Variants in ETV1 observed in about 807,000 individuals in gnomAD.
The protein encoded by ETV1 is ETS translocation variant 1.
Under a neutral mutation model 62.3 loss-of-function variants are expected in ETV1, and 27 were observed. The ratio of observed to expected loss-of-function variants is 0.43; its 90% CI spans 0.32 to 0.60. The LOEUF (loss-of-function observed/expected upper bound fraction) is 0.60, where lower values mean the gene tolerates loss of function less well. Among genes scored for constraint, ETV1 ranks in the 20% least tolerant of loss-of-function variants. ETV1 has a pLI of 0.06. For synonymous variants in ETV1, 222 were observed against 199.6 expected, an observed-to-expected ratio of 1.11 and a Z score of -0.94; for missense variants, 605 against 605.8, an observed-to-expected ratio of 1.00 and a Z score of 0.01.
chr7:13,981,225 T>G (rs150169869), intron 5 of ETV1, among the ~76,000 whole-genome samples: 1 of 152,100 alleles, frequency 6.6e-6, no homozygotes, highest in Non-Finnish European at 1.5e-5. Context: ...AGGCGGAAGA[T>G]GTATGAGTCA....
intron 5 of ETV1, chr7:13,986,058 A>G: frequency 1.2e-3 from 1,277 of 1,106,160 alleles, no homozygotes; most frequent in Non-Finnish European, 1.6e-3. Flanking sequence ...CATTTTTAAA[A>G]TCCTCATATC....
chr7:13,945,443 A>ATT (rs77650876), intron 6 of ETV1, among the ~76,000 whole-genome samples: 1 of 148,300 alleles, frequency 6.7e-6, no homozygotes, highest in African/African-American at 2.5e-5. Context: ...CTTGAAACTG[A>ATT]TTTTTTTTTT....
intron 9 of ETV1, among the ~76,000 whole-genome samples, chr7:13,913,911 G>A (rs1374103988): frequency 9.3e-6 from 1 of 107,364 alleles, no homozygotes; most frequent in East Asian, 3.0e-4. Flanking sequence ...TTGAGACAGA[G>A]TCTCGCTCTG....
intron 6 of ETV1, among the ~76,000 whole-genome samples, chr7:13,972,164 G>A (rs993127765): frequency 7.2e-5 from 11 of 152,044 alleles, no homozygotes; most frequent in Non-Finnish European, 1.2e-4. Flanking sequence ...TTAAGGCTGG[G>A]TATGATGGCT....
At chr7:13,903,607 A>G (rs1320063993) in intron 12 of ETV1, among the ~76,000 whole-genome samples, 1 of 151,858 alleles carries the variant, frequency 6.6e-6, no homozygotes, top group East Asian at 2.0e-4. Flanking sequence ...TACTAAAAAT[A>G]CAAAAATTAG....
intron 6 of ETV1, among the ~76,000 whole-genome samples, chr7:13,942,020 CTTTTTTTT>C (rs560415338): frequency 2.0e-5 from 2 of 99,752 alleles, no homozygotes; most frequent in Non-Finnish European, 3.8e-5. Flanking sequence ...CCATGCATTT[CTTTTTTTT>C]TTTTTTTTTT....
chr7:13,955,085 G>A (rs1789260800), intron 6 of ETV1, among the ~76,000 whole-genome samples: 1 of 152,050 alleles, frequency 6.6e-6, no homozygotes, highest in Non-Finnish European at 1.5e-5. Context: ...TACTGGCTGG[G>A]GTAAATCTTG....
At chr7:13,902,170 A>T (rs1782504599) in intron 12 of ETV1, among the ~76,000 whole-genome samples, 1 of 152,130 alleles carries the variant, frequency 6.6e-6, no homozygotes, top group Admixed American at 6.6e-5. Flanking sequence ...CATTTCCATA[A>T]AATTCCAAGT....
chr7:13,981,516 CAT>C (rs1781984784), intron 5 of ETV1, among the ~76,000 whole-genome samples: 1 of 133,058 alleles, frequency 7.5e-6, no homozygotes, highest in African/African-American at 2.9e-5. Flanking sequence ...TACATACATA[CAT>C]ACATACATAC....
intron 6 of ETV1, among the ~76,000 whole-genome samples, chr7:13,940,441 C>T (rs144154058): frequency 6.7e-6 from 1 of 150,314 alleles, no homozygotes; most frequent in South Asian, 2.1e-4. Context: ...TGAAGAAATG[C>T]CTATTAGAAA....
intron 9 of ETV1, among the ~76,000 whole-genome samples, chr7:13,918,759 G>A (rs938994059): frequency 2.3e-4 from 34 of 151,092 alleles, no homozygotes; most frequent in Non-Finnish European, 3.2e-4. Flanking sequence ...AGCATTGGGA[G>A]ATATACCTAA....
chr7:13,907,906 G>A (rs754127555), intron 11 of ETV1: 16 of 462,260 alleles, frequency 3.5e-5, no homozygotes, highest in Non-Finnish European at 6.3e-5. Flanking sequence ...AAATCATTAT[G>A]TTGTTTTGGT....
At chr7:13,939,705 T>G (rs566499221) in intron 6 of ETV1, among the ~76,000 whole-genome samples, 1 of 152,298 alleles carries the variant, frequency 6.6e-6, no homozygotes, top group South Asian at 2.1e-4. Context: ...AAATGACAAC[T>G]AGACTGGGGC....
At chr7:13,931,958 T>C in intron 8 of ETV1, among the ~76,000 whole-genome samples, 1 of 152,070 alleles carries the variant, frequency 6.6e-6, no homozygotes, top group East Asian at 1.9e-4. Flanking sequence ...AATCAGTCTT[T>C]TGCAGCACTG....
intron 9 of ETV1, among the ~76,000 whole-genome samples, chr7:13,930,925 C>A (rs555256896): frequency 6.6e-6 from 1 of 151,890 alleles, no homozygotes; most frequent in Non-Finnish European, 1.5e-5. Flanking sequence ...CTCAGCCTCC[C>A]GAGTAGCTGG....
chr7:13,902,116 G>A (rs1782499572), intron 12 of ETV1, among the ~76,000 whole-genome samples: 1 of 152,034 alleles, frequency 6.6e-6, no homozygotes, highest in Admixed American at 6.5e-5. Flanking sequence ...GCAAACCTAG[G>A]CAACCCCAAG....
At chr7:13,906,189 A>G (rs774287922) in intron 12 of ETV1, 1 of 352,258 alleles carries the variant, frequency 2.8e-6, no homozygotes. Flanking sequence ...GGTGCAAAGC[A>G]TGCTCTGGTT....
At chr7:13,939,810 T>G (rs958658471) in intron 6 of ETV1, among the ~76,000 whole-genome samples, 1 of 152,212 alleles carries the variant, frequency 6.6e-6, no homozygotes, top group African/African-American at 2.4e-5. Flanking sequence ...AAAATAGAGA[T>G]TAAGTATCTG....
intron 6 of ETV1, among the ~76,000 whole-genome samples, chr7:13,973,703 A>T (rs1476621): frequency 0.76 from 115,837 of 151,926 alleles, 44,556 homozygotes; most frequent in African/African-American, 0.87. Context: ...TGGGTTTTTT[A>T]AAATTATTGT....
Sources: gnomAD v4.1 joint callset for allele counts (sites outside exome capture counted in the v4.1 genomes callset) on GRCh38, gnomAD v4.1.1 for gene constraint, MANE v1.5 for transcripts, NCBI Gene and HGNC (gene_info 2026-07-23, HGNC 2026-07-21) for gene names.